TULP4: variants seen among roughly 807,000 people sequenced by gnomAD.
TULP4 encodes the protein TUB like protein 4.
In TULP4, 16 loss-of-function variants were observed where a neutral mutation model predicts 129.0. That is an observed-to-expected ratio of 0.12 (90% CI 0.08 to 0.19). The LOEUF is 0.19. TULP4 is among the 10% of genes least tolerant of loss of function. The pLI, the probability that TULP4 is intolerant of heterozygous loss-of-function variation, is 1.00. For synonymous variants in TULP4, 998 were observed against 854.0 expected (o/e 1.17, Z -2.94); for missense variants, 1,842 against 2,059.1 (o/e 0.89, Z 2.04).
At chr6:158,303,852 TG>T (rs1779169583) in intron 1 of TULP4, among the ~76,000 whole-genome samples, 1 of 152,232 alleles carries the variant, frequency 6.6e-6, no homozygotes, top group Non-Finnish European at 1.5e-5. Context: ...GTTAAAATTG[TG>T]TAAGTGGAAA....
Position 158,493,519 on chromosome 6 carries a change from A to G in TULP4, c.1632-54A>G. On this transcript the variant is annotated intron_variant, in intron 9 of 13. Coordinates refer to ENST00000367097, the MANE Select transcript of TULP4 (RefSeq NM_020245.5). The surrounding 1 kb of genome is among the most constrained non-coding windows in gnomAD (Gnocchi z 4.4). ...AGAAAGGACTGCTGGAGTCAGGGCC[A>G]TGCTCACCATTCCCGCCACGGATGC... 1 of 1,425,594 alleles carries G rather than the reference A, an allele frequency of 7.0e-7. No individual in the cohort carries two copies. The highest frequency in any genetic ancestry group is 9.2e-7 in the Non-Finnish European group (1 of 1,086,076). 88.3% of individuals were successfully genotyped at this position (1,425,594 alleles called of 1,614,324 possible).
intron 1 of TULP4, among the ~76,000 whole-genome samples, chr6:158,304,574 T>C (rs578042777): frequency 7.6e-4 from 116 of 152,338 alleles, no homozygotes; most frequent in African/African-American, 2.6e-3. Flanking sequence ...CAATCTGTTA[T>C]TGAAAGACTT....
chr6:158,319,566 G>A (rs1481391634), intron 1 of TULP4, among the ~76,000 whole-genome samples: 3 of 152,100 alleles, frequency 2.0e-5, no homozygotes, highest in Non-Finnish European at 2.9e-5. Context: ...AGATCTAGTC[G>A]TCTGCTAATT....
rs71030149 is a variant in TULP4, at chr6:158,236,795, C to CTT, written n.68+4527_68+4528dup. On this transcript the variant is annotated intron_variant and non_coding_transcript_variant, in intron 1 of 1. Transcript: ENST00000620026. ...AGATGGGTAAATGCCCAATTCTTTT[C>CTT]TTTTTTTTTTTTTTTTTTTTTTTTT... Among the ~76,000 whole-genome samples, 11 of 63,300 alleles carry CTT rather than the reference C, an allele frequency of 1.7e-4. 3 individuals are homozygous for CTT. Among genetic ancestry groups the CTT allele is most frequent in the East Asian group, 3.2e-4 (1 of 3,084 alleles). 41.5% of individuals were successfully genotyped at this position (63,300 alleles called of 152,430 possible).
intron 4 of TULP4, among the ~76,000 whole-genome samples, chr6:158,450,051 A>G (rs1779132906): frequency 6.6e-6 from 1 of 152,204 alleles, no homozygotes; most frequent in Admixed American, 6.5e-5. Context: ...GGTATTTGAA[A>G]CTATATAATA....
intron 1 of TULP4, among the ~76,000 whole-genome samples, chr6:158,323,218 C>T (rs184440620): frequency 5.9e-4 from 90 of 152,272 alleles, no homozygotes; most frequent in African/African-American, 2.1e-3. Flanking sequence ...TTTGACTATA[C>T]TGTGAAATGT....
intron 1 of TULP4, chr6:158,241,916 G>A (rs1777925906): frequency 5.1e-6 from 4 of 778,102 alleles, no homozygotes; most frequent in South Asian, 1.4e-5. Context: ...TCTATAGCTT[G>A]TAGTTGTTTC....
chr6:158,301,718 C>T (rs557956934), intron 1 of TULP4, among the ~76,000 whole-genome samples: 40 of 152,252 alleles, frequency 2.6e-4, no homozygotes, highest in African/African-American at 8.4e-4. Context: ...AAGGCTGAGA[C>T]GGCTGTACCC....
intron 1 of TULP4, among the ~76,000 whole-genome samples, chr6:158,375,056 A>G (rs1777155221): frequency 6.6e-6 from 1 of 152,156 alleles, no homozygotes; most frequent in South Asian, 2.1e-4. Flanking sequence ...CAGCCTGGCC[A>G]ACATGCAGCA....
intron 1 of TULP4, among the ~76,000 whole-genome samples, chr6:158,245,117 A>G (rs955593530): frequency 1.3e-5 from 2 of 151,542 alleles, no homozygotes; most frequent in African/African-American, 4.9e-5. Flanking sequence ...CCTTCTGAGT[A>G]GCTGGGACTA....
chr6:158,366,069 A>G (rs1780951877), intron 1 of TULP4, among the ~76,000 whole-genome samples: 1 of 149,708 alleles, frequency 6.7e-6, no homozygotes, highest in Admixed American at 6.6e-5. Flanking sequence ...CACCCGGCTA[A>G]TTTTTTTGTA....
intron 1 of TULP4, among the ~76,000 whole-genome samples, chr6:158,378,463 G>GTTTGTT (rs1777242080): frequency 3.7e-5 from 2 of 53,640 alleles, no homozygotes; most frequent in East Asian, 2.1e-3. Flanking sequence ...GGGGGAGCCA[G>GTTTGTT]TTTTTTTTTT....
chr6:158,503,516 TTGG>T lies in TULP4; in HGVS notation c.3860_3862del (p.Val1287del), dbSNP rs1780522005. ...GGGCACTCTCCCCCCAAAGCCACAC[TTGG>T]TGGTGGAGAAGCCCCTTGTGTCCCC... On this transcript the variant is annotated inframe_deletion, in exon 13 of 14. Transcript: ENST00000367097. This position sits in a 1 kb window ranked among gnomAD's most constrained non-coding sequence, Gnocchi z 4.3. 6.2e-7 allele frequency: 1 copy of T among 1,613,938 alleles called. No individual in the cohort carries two copies. The highest frequency in any genetic ancestry group is 8.5e-7 in the Non-Finnish European group (1 of 1,180,006).
At chr6:158,349,059 G>GAT (rs1780404822) in intron 1 of TULP4, among the ~76,000 whole-genome samples, 1 of 36,152 alleles carries the variant, frequency 2.8e-5, no homozygotes. Context: ...CTTCCCAGAC[G>GAT]GGGCGGCCAG....
intron 1 of TULP4, among the ~76,000 whole-genome samples, chr6:158,385,904 G>C (rs770424986): frequency 1.1e-4 from 15 of 131,300 alleles, no homozygotes; most frequent in Non-Finnish European, 1.9e-4. Context: ...GAGCACAGTA[G>C]TGTGATCATA....
intron 2 of TULP4, among the ~76,000 whole-genome samples, chr6:158,423,197 G>A (rs1447017647): frequency 2.0e-5 from 3 of 151,496 alleles, no homozygotes; most frequent in African/African-American, 7.3e-5. Flanking sequence ...CTCCTGCAAC[G>A]TAAGTGTAAA....
chr6:158,503,316 T>C lies in TULP4; in HGVS notation c.3653T>C (p.Phe1218Ser). The C allele has an allele frequency of 6.2e-7, 1 of 1,613,678 alleles. No individual in the cohort carries two copies. The highest frequency in any genetic ancestry group is 8.5e-7 in the Non-Finnish European group (1 of 1,179,912). ...SPKDALSPTQ[F>S]AQQEPAVVLQ... ...AAAGATGCCCTGTCCCCAACGCAGT[T>C]TGCACAACAGGAGCCTGCTGTGGTC... Residue 1218 changes from phenylalanine to serine, a missense_variant, in exon 13 of 14, where the codon TTT becomes TCT. Phe to Ser is a radical substitution (Grantham distance 155). This residue lies in a region of TULP4 where 1,089 missense variants were observed against 987.1 expected (regional missense o/e 1.10). Coordinates refer to ENST00000367097, the MANE Select transcript of TULP4 (RefSeq NM_020245.5). This position sits in a 1 kb window ranked among gnomAD's most constrained non-coding sequence, Gnocchi z 4.3.
At chr6:158,261,657 A>G (rs1039497249) in intron 1 of TULP4, among the ~76,000 whole-genome samples, 1 of 152,234 alleles carries the variant, frequency 6.6e-6, no homozygotes, top group Non-Finnish European at 1.5e-5. Context: ...GTTCAGCTGC[A>G]TGTAACAGAA....
chr6:158,318,750 G>T (rs1332255900), intron 1 of TULP4, among the ~76,000 whole-genome samples: 1 of 151,718 alleles, frequency 6.6e-6, no homozygotes, highest in Admixed American at 6.6e-5. Flanking sequence ...TTTTCAGACA[G>T]AGCTTCGCTC....
Sources: allele counts gnomAD v4.1 joint callset (sites outside exome capture counted in the v4.1 genomes callset), GRCh38; gene constraint gnomAD v4.1.1; regional missense constraint gnomAD v4.1.1; non-coding constraint Gnocchi (gnomAD v3.1); transcripts MANE v1.5; gene names NCBI Gene and HGNC (gene_info 2026-07-23, HGNC 2026-07-21).